The following EPHA6 variants were observed in gnomAD, a reference collection of about 807,000 sequenced individuals.
The protein encoded by EPHA6 is EPH receptor A6, also known as ephrin type-A receptor 6.
Under a neutral mutation model 112.0 loss-of-function variants are expected in EPHA6, and 50 were observed. The ratio of observed to expected loss-of-function variants is 0.45; its 90% CI spans 0.36 to 0.56. The LOEUF (loss-of-function observed/expected upper bound fraction) is 0.56. Ranked by LOEUF, EPHA6 falls within the 20% of genes least tolerant of loss-of-function variation. EPHA6 has a pLI of 0.00. For missense variants in EPHA6, 1,280 were observed against 1,417.4 expected, an observed-to-expected ratio of 0.90 and a Z score of 1.56; for synonymous variants, 529 against 490.7, an observed-to-expected ratio of 1.08 and a Z score of -1.03.
At position 96,943,336 on chromosome 3, in the gene EPHA6, A is replaced by T. The variant is rs763220576; in HGVS notation, c.451-43994A>T. Among the ~76,000 whole-genome samples, 5 of 152,300 alleles carry T rather than the reference A, an allele frequency of 3.3e-5. No homozygotes were observed. In the East Asian group the frequency reaches 9.6e-4, roughly 29 times the overall value. On this transcript the variant is annotated intron_variant, in intron 2 of 17. Transcript: ENST00000389672. Reference sequence around the variant, plus strand: ...TTTTGAAGTAATGTATATGCTAAATACTCTGATTTGATTATTATACAGTGT... The same window carrying T: ...TTTTGAAGTAATGTATATGCTAAATTCTCTGATTTGATTATTATACAGTGT...
chr3:97,485,544 G>T (rs1437234731), intron 10 of EPHA6, among the ~76,000 whole-genome samples: 1 of 152,108 alleles, frequency 6.6e-6, no homozygotes. Flanking sequence ...CTGCATGGCT[G>T]GGTCTCCCTC....
chr3:96,859,406 G>A (rs2035884136), intron 1 of EPHA6, among the ~76,000 whole-genome samples: 3 of 145,364 alleles, frequency 2.1e-5, no homozygotes, highest in Admixed American at 7.0e-5. Flanking sequence ...TTTTGAGACA[G>A]GGTCTTGTTC....
intron 5 of EPHA6, among the ~76,000 whole-genome samples, chr3:97,272,980 G>A (rs557736713): frequency 2.0e-5 from 3 of 152,194 alleles, no homozygotes; most frequent in African/African-American, 7.2e-5. Flanking sequence ...GGGCTGCTTC[G>A]AGCGGGATTA....
intron 14 of EPHA6, among the ~76,000 whole-genome samples, chr3:97,638,560 C>T (rs1335540419): frequency 6.6e-6 from 1 of 152,100 alleles, no homozygotes; most frequent in East Asian, 1.9e-4. Flanking sequence ...TATATAAGTA[C>T]ACTCTAAACC....
At chr3:97,590,745 G>A (rs1026004439) in intron 11 of EPHA6, among the ~76,000 whole-genome samples, 9 of 152,174 alleles carry the variant, frequency 5.9e-5, no homozygotes, top group African/African-American at 2.2e-4. Flanking sequence ...AATAAAATCT[G>A]CATTTGTTGT....
intron 16 of EPHA6, among the ~76,000 whole-genome samples, chr3:97,746,185 C>T (rs2035708507): frequency 6.6e-6 from 1 of 151,662 alleles, no homozygotes; most frequent in Non-Finnish European, 1.5e-5. Context: ...TTCAATATTC[C>T]AATAAAAATA....
rs2036099157 is a variant in EPHA6, at chr3:97,759,271, G to A, written c.*10570G>A. On this transcript the variant is annotated 3_prime_UTR_variant, in exon 18 of 18. Coordinates refer to ENST00000389672, the MANE Select transcript of EPHA6 (RefSeq NM_001080448.3). Reference sequence around the variant, plus strand: ...AAGGTCATCAACTATGAAAATAGTGGAGTCAACTATCAACTATGAAATAGT... The same window carrying A: ...AAGGTCATCAACTATGAAAATAGTGAAGTCAACTATCAACTATGAAATAGT... Among the ~76,000 whole-genome samples, 1 of 151,888 alleles carries A rather than the reference G, an allele frequency of 6.6e-6. No homozygotes were observed. The highest frequency in any genetic ancestry group is 1.5e-5 in the Non-Finnish European group (1 of 67,854).
At chr3:97,745,923 T>C (rs879376497) in intron 16 of EPHA6, among the ~76,000 whole-genome samples, 5 of 151,816 alleles carry the variant, frequency 3.3e-5, no homozygotes, top group Admixed American at 6.6e-5. Context: ...AATACCAGGG[T>C]TATATAGCAT....
At chr3:97,157,893 C>G (rs944028272) in intron 3 of EPHA6, among the ~76,000 whole-genome samples, 1 of 152,136 alleles carries the variant, frequency 6.6e-6, no homozygotes, top group African/African-American at 2.4e-5. Flanking sequence ...CACAAACACA[C>G]CCAGATTAAT....
At chr3:97,378,003 T>TTAA (rs1351623212) in intron 5 of EPHA6, among the ~76,000 whole-genome samples, 6 of 152,178 alleles carry the variant, frequency 3.9e-5, no homozygotes, top group Non-Finnish European at 7.4e-5. Context: ...GAGCCAAACA[T>TTAA]TAATCCCCAA....
chr3:97,686,478 T>C (rs568225761), intron 14 of EPHA6, among the ~76,000 whole-genome samples: 61 of 152,178 alleles, frequency 4.0e-4, no homozygotes, highest in Non-Finnish European at 6.9e-4. Context: ...ATAAATGCAA[T>C]ATAAGAGTCA....
intron 3 of EPHA6, among the ~76,000 whole-genome samples, chr3:97,095,563 C>CTAA (rs1420751213): frequency 6.6e-6 from 1 of 151,936 alleles, no homozygotes; most frequent in African/African-American, 2.4e-5. Context: ...ACTCATCAGA[C>CTAA]TAATGAAATT....
At chr3:97,395,398 C>A (rs2086641540) in intron 5 of EPHA6, among the ~76,000 whole-genome samples, 1 of 151,660 alleles carries the variant, frequency 6.6e-6, no homozygotes, top group Admixed American at 6.6e-5. Context: ...TATTTTGAAA[C>A]ATGTTCTCAG....
At chr3:96,968,883 G>A (rs907763726) in intron 2 of EPHA6, among the ~76,000 whole-genome samples, 5 of 151,856 alleles carry the variant, frequency 3.3e-5, no homozygotes, top group Non-Finnish European at 5.9e-5. Flanking sequence ...GTTTGAAATA[G>A]TAGGGTAAGT....
intron 3 of EPHA6, among the ~76,000 whole-genome samples, chr3:97,142,549 A>G (rs2075938008): frequency 6.6e-6 from 1 of 152,026 alleles, no homozygotes; most frequent in African/African-American, 2.4e-5. Context: ...CTTTGTGTGT[A>G]AACTAGAAAA....
chr3:97,397,817 T>C (rs1381595791), intron 5 of EPHA6, among the ~76,000 whole-genome samples: 2 of 151,548 alleles, frequency 1.3e-5, no homozygotes, highest in Non-Finnish European at 3.0e-5. Flanking sequence ...AGATACTATT[T>C]CAAAATATGG....
chr3:97,221,519 A>G (rs961720021), intron 3 of EPHA6, among the ~76,000 whole-genome samples: 1 of 152,094 alleles, frequency 6.6e-6, no homozygotes, highest in Non-Finnish European at 1.5e-5. Context: ...ATCCTATAAT[A>G]TAAACAGAAA....
At position 96,916,011 on chromosome 3, in the gene EPHA6, G is replaced by A. The variant is rs148558261; in HGVS notation, c.450+49122G>A. On this transcript the variant is annotated intron_variant, in intron 2 of 17. Transcript: ENST00000389672. ...TTAAAGATGCTTTCTATTTCAATAT[G>A]GTTTTAAATATATATCATCCTTTAA... Among the ~76,000 whole-genome samples, 690 of 152,068 alleles carry A rather than the reference G, an allele frequency of 4.5e-3. 8 individuals are homozygous for A. Among genetic ancestry groups the A allele is most frequent in the African/African-American group, 0.015 (632 of 41,522 alleles).
At chr3:96,902,806 G>A (rs1482086996) in intron 2 of EPHA6, among the ~76,000 whole-genome samples, 1 of 152,048 alleles carries the variant, frequency 6.6e-6, no homozygotes, top group Non-Finnish European at 1.5e-5. Context: ...AGATCACACA[G>A]CATTGGATTC....
Sources: gnomAD v4.1 joint callset for allele counts (sites outside exome capture counted in the v4.1 genomes callset) on GRCh38, gnomAD v4.1.1 for gene constraint, MANE v1.5 for transcripts, NCBI Gene and HGNC (gene_info 2026-07-23, HGNC 2026-07-21) for gene names.